COPB2: variants seen among roughly 807,000 people sequenced by gnomAD.
COPB2 encodes the protein coat protein complex I subunit beta 2, also known as coatomer subunit beta'.
In COPB2, 16 loss-of-function variants were observed where a neutral mutation model predicts 120.8. The ratio of observed to expected loss-of-function variants is 0.13; its 90% CI spans 0.09 to 0.20. COPB2 has a LOEUF of 0.20. Among genes scored for constraint, COPB2 ranks in the 10% least tolerant of loss-of-function variants. The pLI, the probability that COPB2 is intolerant of heterozygous loss-of-function variation, is 1.00. For missense variants in COPB2, 794 were observed against 1,076.5 expected (o/e 0.74, Z 3.67); for synonymous variants, 332 against 366.3 (o/e 0.91, Z 1.07).
rs145236474 is a variant in COPB2 at position 139,373,740 on chromosome 3, C to A, written c.820G>T (p.Val274Leu). 1 of 1,614,136 alleles carries A rather than the reference C, an allele frequency of 6.2e-7. No individual in the cohort carries two copies. Among genetic ancestry groups the A allele is most frequent in the Admixed American group, 1.7e-5 (1 of 60,028 alleles). ...ESTLNYGMERVWCVASLRGSN... is the reference protein window; with the variant it reads ...ESTLNYGMERLWCVASLRGSN... ...CCTCTTAGACTGGCCACGCACCATA[C>A]CCTCTCCATTCCATAATTCAGTGTG... The change falls in exon 8 of 22, where the codon GTA becomes TTA. Residue 274 changes from valine (V) to leucine (L), a missense_variant. By Grantham distance (32) the Val-to-Leu change is conservative. This residue lies in a region of COPB2 where 610 missense variants were observed against 866.7 expected (regional missense o/e 0.70). Coordinates refer to ENST00000333188, the MANE Select transcript of COPB2 (RefSeq NM_004766.3).
At chr3:139,365,910 TGA>T (rs1424493404) in intron 15 of COPB2, among the ~76,000 whole-genome samples, 1 of 152,198 alleles carries the variant, frequency 6.6e-6, no homozygotes, top group African/African-American at 2.4e-5. Flanking sequence ...AGAACTATTC[TGA>T]GAGATAAAGG....
At chr3:139,360,465 C>T (rs1027940317) in intron 17 of COPB2, among the ~76,000 whole-genome samples, 1 of 148,980 alleles carries the variant, frequency 6.7e-6, no homozygotes, top group African/African-American at 2.5e-5. Context: ...CTGCAATTAG[C>T]CGAGATCATG....
At position 139,378,997 on chromosome 3, in the gene COPB2, A is replaced by G. The variant is rs767381528; in HGVS notation, c.355+50T>C. The G allele has an allele frequency of 4.0e-6, 6 of 1,517,588 alleles. No homozygotes were observed. In the East Asian group the frequency reaches 1.4e-4, roughly 35 times the overall value. 94.0% of individuals were successfully genotyped at this position (1,517,588 alleles called of 1,614,324 possible). On this transcript the variant is annotated intron_variant, in intron 4 of 21. Transcript: ENST00000333188. The stretch of plus-strand genomic sequence containing the variant: ...AAGCATAGCATGTCTCAGTGAATGA[A>G]AATGAATTACCCAAAGAGACGCACA...
rs191511717 is a variant in COPB2, at chr3:139,378,287, A to G, written c.356-98T>C. On this transcript the variant is annotated intron_variant, in intron 4 of 21. Coordinates refer to ENST00000333188, the MANE Select transcript of COPB2 (RefSeq NM_004766.3). ...AAGAAGCAAACCTAACACAAACCAT[A>G]TAATCCATGACTTACAGAAATAGAA... 6.6e-4 allele frequency: 741 copies of G among 1,130,134 alleles called. 2 individuals are homozygous for G. In the African/African-American group the frequency reaches 7.2e-3, roughly 11 times the overall value. 70.0% of individuals were successfully genotyped at this position (1,130,134 alleles called of 1,614,324 possible). A position where few individuals can be genotyped will look rare whatever the true frequency, so the allele number is the denominator to read the frequency against.
Position 139,379,035 on chromosome 3 carries a change from GTCATC to G in COPB2, c.355+7_355+11del. On this transcript the variant is annotated splice_region_variant and intron_variant, in intron 4 of 21. Transcript: ENST00000333188. The stretch of plus-strand genomic sequence containing the variant: ...AAAGAGACGCACATGACCAAAAAAG[GTCATC>G]TCTTACCACTGCTAGTTAGAATGAA... The G allele has an allele frequency of 6.4e-7, 1 of 1,569,192 alleles. No homozygotes were observed. The highest frequency in any genetic ancestry group is 8.6e-7 in the Non-Finnish European group (1 of 1,163,478).
chr3:139,368,910 C>G (rs989959699), intron 12 of COPB2, among the ~76,000 whole-genome samples: 1 of 152,134 alleles, frequency 6.6e-6, no homozygotes, highest in South Asian at 2.1e-4. Context: ...AAGCAGCTAT[C>G]ATCAAAATGT....
At position 139,369,522 on chromosome 3, in the gene COPB2, T is replaced by C; in HGVS notation, c.1228A>G (p.Ser410Gly). The change falls in exon 11 of 22, where the codon AGC (serine) becomes GGC (glycine). Residue 410 changes from serine to glycine, a missense_variant. This residue lies in a region of COPB2 where 610 missense variants were observed against 866.7 expected (regional missense o/e 0.70). Transcript: ENST00000333188. ...AAGTTCTTAAATATCTTTACAATGCTGTTGCTCTCTCTTATTGCATACCTG... is the reference window on the plus strand; with the variant it reads ...AAGTTCTTAAATATCTTTACAATGCCGTTGCTCTCTCTTATTGCATACCTG... ...SSEYAIRESN[S>G]IVKIFKNFKE... The C allele has an allele frequency of 6.2e-7, 1 of 1,611,044 alleles. No homozygotes were observed. The highest frequency in any genetic ancestry group is 2.2e-5 in the East Asian group (1 of 44,830).
rs755836636 is a variant in COPB2, at chr3:139,366,547, GA to G, written c.1884+20del. ...AATTGCAAGTTTTAAAAAACAAAAA[GA>G]AAAAAACAAAACCTCTTACCTGCTT... is the stretch of plus-strand genomic sequence containing the variant. On this transcript the variant is annotated intron_variant, in intron 15 of 21. Transcript: ENST00000333188. 1.3e-6 allele frequency: 2 copies of G among 1,564,390 alleles called. No homozygotes were observed. Among genetic ancestry groups the G allele is most frequent in the South Asian group, 2.4e-5 (2 of 84,622 alleles).
At chr3:139,370,168 C>T (rs1941596946) in intron 10 of COPB2, among the ~76,000 whole-genome samples, 1 of 152,100 alleles carries the variant, frequency 6.6e-6, no homozygotes, top group East Asian at 1.9e-4. Flanking sequence ...TACATTTGCC[C>T]AAATCTACTG....
intron 4 of COPB2, 40 bp downstream of exon 4, chr3:139,379,007 C>A (rs777999028): frequency 3.3e-6 from 5 of 1,529,924 alleles, no homozygotes; most frequent in Middle Eastern, 1.8e-4. Context: ...AAATGAATTA[C>A]CCAAAGAGAC....
At chr3:139,369,136 AT>A in intron 12 of COPB2, 124 bp downstream of exon 12, 1 of 644,466 alleles carries the variant, frequency 1.6e-6, no homozygotes, top group Non-Finnish European at 2.6e-6. Context: ...GCTGTTTTAT[AT>A]TTTAAATGGC....
intron 9 of COPB2, 77 bp downstream of exon 9, chr3:139,373,136 G>T: frequency 7.1e-7 from 1 of 1,410,616 alleles, no homozygotes; most frequent in Non-Finnish European, 1.0e-6. Context: ...CCAACCACAG[G>T]GCAAGAGTGG....
chr3:139,372,610 C>A (rs1447849650), intron 9 of COPB2, among the ~76,000 whole-genome samples: 2 of 152,128 alleles, frequency 1.3e-5, no homozygotes, highest in Non-Finnish European at 2.9e-5. Context: ...TTGTCTTTTT[C>A]AATACTCAGC....
At chr3:139,358,475 G>A (rs1434039075) in intron 20 of COPB2, 1 of 607,262 alleles carries the variant, frequency 1.6e-6, no homozygotes, top group Non-Finnish European at 2.9e-6. Flanking sequence ...TCAGGAGATC[G>A]AGACCATCCT....
At chr3:139,385,491 A>C (rs1432894888) in intron 1 of COPB2, 1 of 152,198 alleles carries the variant, frequency 6.6e-6, no homozygotes, top group Admixed American at 6.5e-5. Context: ...TATCTTGTCA[A>C]AAATACTAGT....
intron 15 of COPB2, among the ~76,000 whole-genome samples, chr3:139,363,557 G>T (rs1941465324): frequency 6.6e-6 from 1 of 152,154 alleles, no homozygotes; most frequent in Non-Finnish European, 1.5e-5. Flanking sequence ...ATCAACTATT[G>T]TAATTATTAA....
chr3:139,379,002 A>C, intron 4 of COPB2, 45 bp downstream of exon 4: 2 of 1,523,178 alleles, frequency 1.3e-6, no homozygotes, highest in Non-Finnish European at 1.8e-6. Flanking sequence ...AATGAAAATG[A>C]ATTACCCAAA....
intron 17 of COPB2, 31 bp downstream of exon 17, chr3:139,361,050 G>A: frequency 6.2e-7 from 1 of 1,608,630 alleles, no homozygotes; most frequent in Non-Finnish European, 8.5e-7. Flanking sequence ...CCTCAGTGTA[G>A]AATTAATTAA....
intron 7 of COPB2, chr3:139,374,244 C>T: frequency 4.0e-6 from 2 of 497,864 alleles, no homozygotes; most frequent in South Asian, 2.5e-5. Flanking sequence ...CTCTTTAGGA[C>T]AGCTGACGGT....
Sources: gnomAD v4.1 joint callset for allele counts (sites outside exome capture counted in the v4.1 genomes callset) on GRCh38, gnomAD v4.1.1 for gene constraint, gnomAD v4.1.1 regional missense constraint, MANE v1.5 for transcripts, NCBI Gene and HGNC (gene_info 2026-07-23, HGNC 2026-07-21) for gene names.